Variants in EXOC4 observed in about 807,000 individuals in gnomAD.
EXOC4 encodes SEC8-like 1.
Under a neutral mutation model 107.2 loss-of-function variants are expected in EXOC4, and 71 were observed. The ratio of observed to expected loss-of-function variants is 0.66; its 90% CI spans 0.55 to 0.81. The LOEUF is 0.81. Among genes scored for constraint, EXOC4 ranks in the 30% least tolerant of loss-of-function variants. The pLI is 0.00. For synonymous variants in EXOC4, 456 were observed against 441.2 expected (o/e 1.03, Z -0.42); for missense variants, 1,108 against 1,189.6 (o/e 0.93, Z 1.01).
chr7:133,793,223 G>A (rs1796741459), intron 10 of EXOC4, among the ~76,000 whole-genome samples: 1 of 152,110 alleles, frequency 6.6e-6, no homozygotes, highest in African/African-American at 2.4e-5. Context: ...TTTAATTCTG[G>A]TGATTTGAAG....
In EXOC4 at chr7:133,902,722, G is replaced by A. The variant is rs567786544; in HGVS notation, c.1871+6987G>A. ...GCCAAAAAATTAGCCAGGTGTGTTG[G>A]CAGGTGCCCGTAGTCCCAACTACTC... is the stretch of plus-strand genomic sequence containing the variant. On this transcript the variant is annotated intron_variant, in intron 12 of 17. Transcript: ENST00000253861. Among the ~76,000 whole-genome samples, 73 of 152,160 alleles carry A rather than the reference G, an allele frequency of 4.8e-4. 3 individuals are homozygous for A. The South Asian group carries it at 0.015, about 31-fold the overall frequency.
At chr7:133,898,237 G>A (rs56170554) in intron 12 of EXOC4, among the ~76,000 whole-genome samples, 23,079 of 151,286 alleles carry the variant, frequency 0.15, 2,101 homozygotes, top group African/African-American at 0.24. Flanking sequence ...AAAATTAAAT[G>A]TCAACTTAAA....
intron 11 of EXOC4, among the ~76,000 whole-genome samples, chr7:133,864,994 C>A (rs1798607144): frequency 6.6e-6 from 1 of 152,064 alleles, no homozygotes; most frequent in East Asian, 1.9e-4. Context: ...TTCTTACTTA[C>A]TAAACTACCT....
chr7:133,412,278 G>GTTTTTTTTTTTTTTTTT lies in EXOC4; in HGVS notation c.1182+37283_1182+37299dup, dbSNP rs35334259. 2.0e-4 allele frequency among the ~76,000 whole-genome samples: 14 copies of GTTTTTTTTTTTTTTTTT among 71,476 alleles called. 2 individuals are homozygous for GTTTTTTTTTTTTTTTTT. Among genetic ancestry groups the GTTTTTTTTTTTTTTTTT allele is most frequent in the Non-Finnish European group, 2.9e-4 (12 of 41,022 alleles). The allele number at this position is 71,476 out of a possible 152,430, so 46.9% of individuals were successfully genotyped here. ...ATCTGGTCAATACTGTCAGAATTCA[G>GTTTTTTTTTTTTTTTTT]TTTTTTTTTTTTTTTTTTTTTTTGC... On this transcript the variant is annotated intron_variant, in intron 7 of 17. Coordinates refer to ENST00000253861, the MANE Select transcript of EXOC4 (RefSeq NM_021807.4).
intron 17 of EXOC4, among the ~76,000 whole-genome samples, chr7:134,033,721 G>A (rs968919981): frequency 6.6e-6 from 1 of 152,066 alleles, no homozygotes; most frequent in Admixed American, 6.6e-5. Context: ...TGAAGAAATA[G>A]CCTCACCTAA....
chr7:133,507,873 C>T (rs538262915), intron 9 of EXOC4, among the ~76,000 whole-genome samples: 2 of 152,226 alleles, frequency 1.3e-5, no homozygotes, highest in African/African-American at 2.4e-5. Flanking sequence ...ACCAGCTGTG[C>T]CAGCATGGTG....
At chr7:134,000,197 T>C (rs1307036359) in intron 15 of EXOC4, among the ~76,000 whole-genome samples, 1 of 152,184 alleles carries the variant, frequency 6.6e-6, no homozygotes, top group Non-Finnish European at 1.5e-5. Flanking sequence ...TAGATACAAC[T>C]AGCAGAATAC....
chr7:133,448,485 T>A (rs1798268132), intron 7 of EXOC4, among the ~76,000 whole-genome samples: 1 of 152,030 alleles, frequency 6.6e-6, no homozygotes, highest in Admixed American at 6.6e-5. Context: ...ATTTATTTAT[T>A]TTTGTAGAGA....
rs1475974934 is a variant in EXOC4, at chr7:133,681,757, C to T, written c.1514+51616C>T. On this transcript the variant is annotated intron_variant, in intron 10 of 17. Transcript: ENST00000253861. Reference sequence around the variant, plus strand: ...GCATATTGTATGAATTTGGCCTTTACTTCTCGGTGTTTCAGTTATCTCACT... The same window carrying T: ...GCATATTGTATGAATTTGGCCTTTATTTCTCGGTGTTTCAGTTATCTCACT... Among the ~76,000 whole-genome samples the T allele has an allele frequency of 3.3e-5, 5 of 152,036 alleles. No individual in the cohort carries two copies. In the East Asian group the frequency reaches 9.6e-4, roughly 29 times the overall value.
At chr7:133,862,490 G>A (rs1430797920) in intron 11 of EXOC4, among the ~76,000 whole-genome samples, 1 of 151,262 alleles carries the variant, frequency 6.6e-6, no homozygotes, top group African/African-American at 2.4e-5. Flanking sequence ...CTCAGGGGGC[G>A]GGGAAAAAAA....
At chr7:133,267,344 T>G (rs1409926481) in intron 1 of EXOC4, among the ~76,000 whole-genome samples, 1 of 152,192 alleles carries the variant, frequency 6.6e-6, no homozygotes, top group East Asian at 1.9e-4. Context: ...ACTGTCACTC[T>G]TTCTCAAGTC....
chr7:133,555,913 T>C (rs1800681395), intron 9 of EXOC4, among the ~76,000 whole-genome samples: 1 of 152,218 alleles, frequency 6.6e-6, no homozygotes, highest in African/African-American at 2.4e-5. Flanking sequence ...ACGTGATTTT[T>C]CATAAACTTC....
chr7:133,281,361 G>GA lies in EXOC4; in HGVS notation c.276+6202dup, dbSNP rs777854537. Among the ~76,000 whole-genome samples the GA allele has an allele frequency of 1.7e-3, 229 of 134,480 alleles. No individual in the cohort carries two copies. In the Middle Eastern group the frequency reaches 0.023, roughly 14 times the overall value. 88.2% of individuals were successfully genotyped at this position (134,480 alleles called of 152,430 possible). On this transcript the variant is annotated intron_variant, in intron 2 of 17. Coordinates refer to ENST00000253861, the MANE Select transcript of EXOC4 (RefSeq NM_021807.4). ...ATAAAAATGTATCATTAAAAGTCCAGAAAAAAAAAAAAGACTCCATGGAAA... is the reference window on the plus strand; with the variant it reads ...ATAAAAATGTATCATTAAAAGTCCAGAAAAAAAAAAAAAGACTCCATGGAAA...
intron 11 of EXOC4, among the ~76,000 whole-genome samples, chr7:133,871,459 T>C (rs1051136545): frequency 6.6e-6 from 1 of 152,170 alleles, no homozygotes; most frequent in Non-Finnish European, 1.5e-5. Context: ...ACCATTCATC[T>C]TAAAGATGGC....
intron 6 of EXOC4, among the ~76,000 whole-genome samples, chr7:133,365,780 C>G (rs1201663418): frequency 6.6e-6 from 1 of 152,060 alleles, no homozygotes; most frequent in Non-Finnish European, 1.5e-5. Context: ...CTCAGCCAGG[C>G]TTATTAAGGA....
chr7:134,082,569 T>C, the EXOC4 span, among the ~76,000 whole-genome samples: 3 of 152,112 alleles, frequency 2.0e-5, no homozygotes, highest in Admixed American at 2.0e-4. Flanking sequence ...GCCTCCAGAG[T>C]AGCTGGGACT....
chr7:133,964,476 C>A (rs1237508293), intron 14 of EXOC4, among the ~76,000 whole-genome samples: 1 of 152,142 alleles, frequency 6.6e-6, no homozygotes, highest in Admixed American at 6.5e-5. Flanking sequence ...TCTCCCTCCC[C>A]TAGCCCCCGA....
At chr7:133,518,528 C>G (rs1712145364) in intron 9 of EXOC4, among the ~76,000 whole-genome samples, 1 of 151,776 alleles carries the variant, frequency 6.6e-6, no homozygotes, top group Admixed American at 6.6e-5. Context: ...GGGACTCAAA[C>G]AGATATTTTA....
intron 13 of EXOC4, among the ~76,000 whole-genome samples, chr7:133,923,168 G>C (rs1289052813): frequency 7.6e-6 from 1 of 131,744 alleles, no homozygotes; most frequent in African/African-American, 2.9e-5. Context: ...TTCGCCCTTC[G>C]CCCAGGCTGT....
Sources: allele counts gnomAD v4.1 joint callset (sites outside exome capture counted in the v4.1 genomes callset), GRCh38; gene constraint gnomAD v4.1.1; transcripts MANE v1.5; gene names NCBI Gene and HGNC (gene_info 2026-07-23, HGNC 2026-07-21).